The following NR2F1-AS1 variants were observed in gnomAD, a reference collection of about 807,000 sequenced individuals.
NR2F1-AS1 encodes the protein NR2F1 regulatory antisense RNA 1.
intron 4 of NR2F1-AS1, among the ~76,000 whole-genome samples, chr5:93,463,663 G>T (rs1561450954): frequency 1.3e-5 from 2 of 152,214 alleles, no homozygotes; most frequent in South Asian, 4.1e-4. Flanking sequence ...GGGTGGAACT[G>T]CCCAAGACCA....
chr5:93,492,367 TTAGA>T (rs2149880995), intron 4 of NR2F1-AS1, among the ~76,000 whole-genome samples: 1 of 152,316 alleles, frequency 6.6e-6, no homozygotes, highest in East Asian at 1.9e-4. Context: ...TTTGAGCTAA[TTAGA>T]TAGACTCACA....
At chr5:93,540,987 C>G (rs911239935) in intron 4 of NR2F1-AS1, among the ~76,000 whole-genome samples, 2 of 152,184 alleles carry the variant, frequency 1.3e-5, no homozygotes, top group Non-Finnish European at 2.9e-5. Context: ...TGCTTCAAAA[C>G]ACTTTCCAAC....
At chr5:93,420,521 G>T (rs1022122946) in intron 4 of NR2F1-AS1, among the ~76,000 whole-genome samples, 1 of 152,208 alleles carries the variant, frequency 6.6e-6, no homozygotes, top group Admixed American at 6.5e-5. Flanking sequence ...AGAGACTGCA[G>T]AGTAGACAAG....
intron 4 of NR2F1-AS1, among the ~76,000 whole-genome samples, chr5:93,509,556 C>T (rs1451901795): frequency 6.6e-6 from 1 of 151,934 alleles, no homozygotes; most frequent in East Asian, 1.9e-4. Flanking sequence ...ATACCAACTT[C>T]AGGAAAGTGG....
At chr5:93,500,887 T>A (rs1346360075) in intron 4 of NR2F1-AS1, among the ~76,000 whole-genome samples, 1 of 152,152 alleles carries the variant, frequency 6.6e-6, no homozygotes, top group East Asian at 1.9e-4. Flanking sequence ...AGTGATAGGA[T>A]TACAGTGTGA....
intron 4 of NR2F1-AS1, among the ~76,000 whole-genome samples, chr5:93,492,442 C>A (rs1380375065): frequency 2.0e-5 from 3 of 151,406 alleles, no homozygotes; most frequent in South Asian, 2.1e-4. Flanking sequence ...ATTAATTCTA[C>A]CAAACACTAA....
In NR2F1-AS1 at chr5:93,481,755, A is replaced by G. The variant is rs191115033; in HGVS notation, n.638+72006T>C. ...AAGCTAGAAATAAATAAAAGAAGGAAAACTAGAAACTTTTCAAGTTCACAG... is the reference window on the plus strand; with the variant it reads ...AAGCTAGAAATAAATAAAAGAAGGAGAACTAGAAACTTTTCAAGTTCACAG... On this transcript the variant is annotated intron_variant and non_coding_transcript_variant, in intron 4 of 5. Coordinates refer to ENST00000660523, the Ensembl canonical transcript of NR2F1-AS1. 8.5e-5 allele frequency among the ~76,000 whole-genome samples: 13 copies of G among 152,278 alleles called. No homozygotes were observed. In the East Asian group the frequency reaches 2.5e-3, roughly 29 times the overall value.
At chr5:93,412,245 C>A (rs1437719289) in intron 4 of NR2F1-AS1, among the ~76,000 whole-genome samples, 1 of 152,180 alleles carries the variant, frequency 6.6e-6, no homozygotes, top group Non-Finnish European at 1.5e-5. Flanking sequence ...TGCTCAGGCC[C>A]TCTTCTCCTC....
intron 4 of NR2F1-AS1, among the ~76,000 whole-genome samples, chr5:93,507,675 G>A (rs1751215241): frequency 6.6e-6 from 1 of 151,956 alleles, no homozygotes; most frequent in Admixed American, 6.6e-5. Context: ...AGTTTTAAAA[G>A]TATAAGAATT....
At chr5:93,512,870 T>G (rs1213466899) in intron 4 of NR2F1-AS1, among the ~76,000 whole-genome samples, 2 of 152,144 alleles carry the variant, frequency 1.3e-5, no homozygotes, top group Admixed American at 1.3e-4. Flanking sequence ...CCATGTAGGT[T>G]TGCGTAAGTA....
At chr5:93,413,211 T>C (rs1437872462) in intron 4 of NR2F1-AS1, among the ~76,000 whole-genome samples, 1 of 148,924 alleles carries the variant, frequency 6.7e-6, no homozygotes, top group Non-Finnish European at 1.5e-5. Flanking sequence ...TATATATGTA[T>C]ATATATATAT....
intron 4 of NR2F1-AS1, among the ~76,000 whole-genome samples, chr5:93,479,592 T>C (rs907543280): frequency 6.6e-6 from 1 of 152,164 alleles, no homozygotes; most frequent in Non-Finnish European, 1.5e-5. Flanking sequence ...CATTACGGTA[T>C]TCAAAATGTC....
chr5:93,474,016 A>C (rs1009479821), intron 4 of NR2F1-AS1, among the ~76,000 whole-genome samples: 6 of 152,138 alleles, frequency 3.9e-5, no homozygotes, highest in African/African-American at 1.4e-4. Context: ...AGATAAATTA[A>C]AACTATATTA....
At chr5:93,422,739 C>T (rs1749114157) in intron 4 of NR2F1-AS1, among the ~76,000 whole-genome samples, 1 of 152,218 alleles carries the variant, frequency 6.6e-6, no homozygotes, top group Admixed American at 6.5e-5. Context: ...CACAGCACCA[C>T]ATTTACAACT....
At chr5:93,562,195 A>AAAAAAAAAAGAAAAGAAAAG (rs755007063) in intron 2 of NR2F1-AS1, among the ~76,000 whole-genome samples, 11 of 136,634 alleles carry the variant, frequency 8.1e-5, no homozygotes, top group South Asian at 2.2e-4. Flanking sequence ...AAAAAAAAAA[A>AAAAAAAAAAGAAAAGAAAAG]AAAAGAAAAG....
chr5:93,415,777 C>T (rs189818378), intron 4 of NR2F1-AS1, among the ~76,000 whole-genome samples: 16 of 152,252 alleles, frequency 1.1e-4, no homozygotes, highest in Admixed American at 3.9e-4. Context: ...TTTTATAACA[C>T]GTTTATGATT....
intron 4 of NR2F1-AS1, among the ~76,000 whole-genome samples, chr5:93,506,344 T>C (rs1165012336): frequency 6.6e-6 from 1 of 152,220 alleles, no homozygotes; most frequent in Non-Finnish European, 1.5e-5. Context: ...TATCTTCTTC[T>C]GAGCCCTCCA....
intron 4 of NR2F1-AS1, among the ~76,000 whole-genome samples, chr5:93,471,406 T>A (rs1431379380): frequency 6.6e-6 from 1 of 151,892 alleles, no homozygotes; most frequent in Non-Finnish European, 1.5e-5. Flanking sequence ...ATTCCAACAT[T>A]ATTTACTGGA....
chr5:93,499,212 T>C (rs1158479287), intron 4 of NR2F1-AS1, among the ~76,000 whole-genome samples: 2 of 152,138 alleles, frequency 1.3e-5, no homozygotes, highest in Non-Finnish European at 2.9e-5. Context: ...GTGTGTTCCT[T>C]CAGCCAATTA....
Sources: allele counts gnomAD v4.1 joint callset (sites outside exome capture counted in the v4.1 genomes callset), GRCh38; gene constraint gnomAD v4.1.1; transcripts MANE v1.5; gene names NCBI Gene and HGNC (gene_info 2026-07-23, HGNC 2026-07-21).